Variants in PEMT observed in about 807,000 individuals in gnomAD.
PEMT encodes the protein phosphatidylethanolamine N-methyltransferase, also known as phospholipid methyltransferase.
A neutral mutation model predicts 27.4 loss-of-function variants in PEMT; 23 were observed. That is an observed-to-expected ratio of 0.84 (90% CI 0.60 to 1.19). PEMT has a LOEUF of 1.19. PEMT is among the 50% of genes most tolerant of loss of function. The probability of loss-of-function intolerance (pLI) is 0.00; values close to 1 mark genes in which losing one functional copy is unlikely to be tolerated. For missense variants in PEMT, 307 were observed against 310.1 expected, an observed-to-expected ratio of 0.99 and a Z score of 0.07; for synonymous variants, 137 against 139.1, an observed-to-expected ratio of 0.98 and a Z score of 0.11.
At chr17:17,553,118 A>G (rs1415244935) in intron 2 of PEMT, among the ~76,000 whole-genome samples, 3 of 152,192 alleles carry the variant, frequency 2.0e-5, no homozygotes, top group Non-Finnish European at 4.4e-5. Context: ...GTCCCCACAC[A>G]CGGTGTCCTC....
chr17:17,505,678 C>A lies in PEMT; in HGVS notation c.*113G>T. 7.8e-7 allele frequency: 1 copy of A among 1,280,738 alleles called. No homozygotes were observed. The highest frequency in any genetic ancestry group is 1.0e-6 in the Non-Finnish European group (1 of 973,048). 79.3% of individuals were successfully genotyped at this position (1,280,738 alleles called of 1,614,324 possible). The stretch of plus-strand genomic sequence containing the variant: ...CAGGTTCCAAGGCACTGGGGCAGCC[C>A]ACGCCGGGGGCGAGCCCTGAGCAGC... On this transcript the variant is annotated 3_prime_UTR_variant, in exon 7 of 7. Transcript: ENST00000255389.
At chr17:17,567,864 A>G (rs940245637) in intron 2 of PEMT, among the ~76,000 whole-genome samples, 1 of 152,252 alleles carries the variant, frequency 6.6e-6, no homozygotes, top group African/African-American at 2.4e-5. Flanking sequence ...CTTTCCCGCA[A>G]GTGCAAGAGG....
At chr17:17,545,368 G>A (rs1909186265) in intron 2 of PEMT, among the ~76,000 whole-genome samples, 1 of 152,168 alleles carries the variant, frequency 6.6e-6, no homozygotes, top group African/African-American at 2.4e-5. Flanking sequence ...CACGTTGCAT[G>A]CTCCTCACAG....
chr17:17,537,881 T>C (rs926533369), intron 2 of PEMT, among the ~76,000 whole-genome samples: 1 of 152,214 alleles, frequency 6.6e-6, no homozygotes, highest in African/African-American at 2.4e-5. Context: ...GGAGGATGTT[T>C]GTTGACTTGG....
At chr17:17,556,360 C>T (rs1240748942) in intron 2 of PEMT, among the ~76,000 whole-genome samples, 1 of 148,982 alleles carries the variant, frequency 6.7e-6, no homozygotes, top group Non-Finnish European at 1.5e-5. Context: ...TTCCTTCCTT[C>T]CTGCTCTCTC....
intron 2 of PEMT, among the ~76,000 whole-genome samples, chr17:17,547,112 C>A (rs563244168): frequency 6.6e-6 from 1 of 152,372 alleles, no homozygotes; most frequent in Non-Finnish European, 1.5e-5. Flanking sequence ...GCTGTTACTG[C>A]AGGATAATTA....
chr17:17,546,567 C>CG (rs1255822196), intron 2 of PEMT, among the ~76,000 whole-genome samples: 1 of 152,154 alleles, frequency 6.6e-6, no homozygotes, highest in Non-Finnish European at 1.5e-5. Flanking sequence ...TACAAGATAA[C>CG]GGGATGGCAT....
intron 2 of PEMT, among the ~76,000 whole-genome samples, chr17:17,543,722 C>T (rs1909051580): frequency 6.6e-6 from 1 of 152,192 alleles, no homozygotes; most frequent in Non-Finnish European, 1.5e-5. Context: ...ACCACCACAT[C>T]CAGCTAATTT....
intron 2 of PEMT, among the ~76,000 whole-genome samples, chr17:17,537,518 C>T (rs944437598): frequency 6.6e-6 from 1 of 152,228 alleles, no homozygotes; most frequent in Non-Finnish European, 1.5e-5. Flanking sequence ...CCTGCAGGGG[C>T]CTTCCCCATG....
chr17:17,537,887 C>G (rs1908598071), intron 2 of PEMT, among the ~76,000 whole-genome samples: 1 of 152,240 alleles, frequency 6.6e-6, no homozygotes, highest in Non-Finnish European at 1.5e-5. Flanking sequence ...TGTTTGTTGA[C>G]TTGGAAGACA....
At chr17:17,545,105 C>T (rs747710140) in intron 2 of PEMT, among the ~76,000 whole-genome samples, 1 of 152,196 alleles carries the variant, frequency 6.6e-6, no homozygotes, top group Non-Finnish European at 1.5e-5. Context: ...GGGTCCTTGC[C>T]GGGCCACACC....
At chr17:17,568,567 C>A (rs1267937249) in intron 2 of PEMT, among the ~76,000 whole-genome samples, 1 of 152,184 alleles carries the variant, frequency 6.6e-6, no homozygotes, top group Non-Finnish European at 1.5e-5. Context: ...AATGGAGAAA[C>A]CGATGCCCAG....
intron 1 of PEMT, among the ~76,000 whole-genome samples, chr17:17,586,490 C>T (rs1912322946): frequency 6.6e-6 from 1 of 152,168 alleles, no homozygotes; most frequent in South Asian, 2.1e-4. Flanking sequence ...GCTCCCAAAC[C>T]ACCACAGAAT....
At chr17:17,558,508 CAA>C (rs11292697) in intron 2 of PEMT, among the ~76,000 whole-genome samples, 7 of 143,940 alleles carry the variant, frequency 4.9e-5, no homozygotes, top group African/African-American at 7.5e-5. Context: ...AACTCTATCT[CAA>C]AAAAAAAAAA....
intron 2 of PEMT, among the ~76,000 whole-genome samples, chr17:17,539,385 C>A (rs1361856816): frequency 6.6e-6 from 1 of 152,184 alleles, no homozygotes; most frequent in African/African-American, 2.4e-5. Context: ...CCTGTCCCAC[C>A]CCAGACACTC....
intron 2 of PEMT, among the ~76,000 whole-genome samples, chr17:17,533,786 A>C (rs2142573516): frequency 6.6e-6 from 1 of 150,872 alleles, no homozygotes; most frequent in African/African-American, 2.4e-5. Context: ...GCTGGAGTGC[A>C]GTGGTGCGAT....
chr17:17,558,508 CAAAAAAAA>C (rs11292697), intron 2 of PEMT, among the ~76,000 whole-genome samples: 1 of 143,872 alleles, frequency 7.0e-6, no homozygotes, highest in African/African-American at 2.5e-5. Flanking sequence ...AACTCTATCT[CAAAAAAAA>C]AAAACAAAAA....
intron 2 of PEMT, among the ~76,000 whole-genome samples, chr17:17,562,710 G>A (rs1292743353): frequency 6.6e-6 from 1 of 152,188 alleles, no homozygotes; most frequent in Admixed American, 6.5e-5. Flanking sequence ...TTGGGAGGCT[G>A]AGGTGGGAGA....
At chr17:17,527,629 G>A (rs766119499) in intron 2 of PEMT, among the ~76,000 whole-genome samples, 2 of 152,194 alleles carry the variant, frequency 1.3e-5, no homozygotes, top group Non-Finnish European at 2.9e-5. Flanking sequence ...TGCCTGGAAC[G>A]ATACTACACC....
Sources: gnomAD v4.1 joint callset for allele counts (sites outside exome capture counted in the v4.1 genomes callset) on GRCh38, gnomAD v4.1.1 for gene constraint, MANE v1.5 for transcripts, NCBI Gene and HGNC (gene_info 2026-07-23, HGNC 2026-07-21) for gene names.